Variants in ZNF823 observed in about 807,000 individuals in gnomAD.
ZNF823 encodes zinc finger protein 823, also known as ZFP 36 for a zinc finger protein.
Under a neutral mutation model 11.4 loss-of-function variants are expected in ZNF823, and 5 were observed. The observed-to-expected ratio is 0.44, with a 90% CI of 0.23 to 0.92. ZNF823 has a LOEUF of 0.92. Among genes scored for constraint, ZNF823 ranks in the 40% least tolerant of loss-of-function variants. ZNF823 has a pLI of 0.24. For synonymous variants in ZNF823, 234 were observed against 250.5 expected, an observed-to-expected ratio of 0.93 and a Z score of 0.62; for missense variants, 582 against 738.5, an observed-to-expected ratio of 0.79 and a Z score of 2.46.
chr19:11,721,856 A>G lies in ZNF823; in HGVS notation c.1678T>C (p.Cys560Arg). 6.2e-7 allele frequency: 1 copy of G among 1,613,870 alleles called. No individual in the cohort carries two copies. The highest frequency in any genetic ancestry group is 8.5e-7 in the Non-Finnish European group (1 of 1,179,948). Reference protein sequence around the residue: ...TGEKPYECLQCGKAFTRSRFL... With the variant: ...TGEKPYECLQRGKAFTRSRFL... Reference sequence around the variant, plus strand: ...CGGGAACGAGTGAAGGCTTTACCACATTGTAGACATTCATAGGGTTTCTCT... The same window carrying G: ...CGGGAACGAGTGAAGGCTTTACCACGTTGTAGACATTCATAGGGTTTCTCT... The change falls in exon 4 of 4, where the codon TGT (cysteine) becomes CGT (arginine). Residue 560 changes from cysteine (C) to arginine (R), a missense_variant. This residue lies in a region of ZNF823 where 144 missense variants were observed against 154.3 expected (regional missense o/e 0.93). Coordinates refer to ENST00000341191, the MANE Select transcript of ZNF823 (RefSeq NM_001080493.4).
intron 1 of ZNF823, chr19:11,726,258 T>TA (rs1189650499): frequency 9.0e-6 from 1 of 111,094 alleles, no homozygotes; most frequent in Non-Finnish European, 2.0e-5. Flanking sequence ...AAAAATATAA[T>TA]AAAAGTAAAA....
chr19:11,735,073 G>A (rs1974967450), intron 1 of ZNF823, among the ~76,000 whole-genome samples: 2 of 151,714 alleles, frequency 1.3e-5, no homozygotes, highest in Non-Finnish European at 2.9e-5. Context: ...TCAGGAGTTC[G>A]AGACCAGCCT....
intron 1 of ZNF823, among the ~76,000 whole-genome samples, chr19:11,737,772 CAGTT>C (rs1975020712): frequency 6.6e-6 from 1 of 151,954 alleles, no homozygotes; most frequent in Non-Finnish European, 1.5e-5. Context: ...TGATGAGAGA[CAGTT>C]AGCCTGGGGA....
At chr19:11,738,668 G>C in intron 1 of ZNF823, 149 bp downstream of exon 1, 1 of 1,094,554 alleles carries the variant, frequency 9.1e-7, no homozygotes, top group Non-Finnish European at 1.2e-6. Flanking sequence ...TTGCGGCCCA[G>C]GGGACCAAGG....
rs546285413 is a variant in ZNF823 at position 11,733,277 on chromosome 19, G to T, written c.3+5540C>A. Among the ~76,000 whole-genome samples, 5 of 147,000 alleles carry T rather than the reference G, an allele frequency of 3.4e-5. No homozygotes were observed. In the East Asian group the frequency reaches 1.0e-3, roughly 30 times the overall value. ...AGCTACTCAGGAGACTGAGGCAGGA[G>T]AATAGCTAGAACTCAGGAGTCGGAG... On this transcript the variant is annotated intron_variant, in intron 1 of 3. Transcript: ENST00000341191.
At chr19:11,731,558 A>G (rs1403380435) in intron 1 of ZNF823, among the ~76,000 whole-genome samples, 2 of 152,162 alleles carry the variant, frequency 1.3e-5, no homozygotes, top group Non-Finnish European at 2.9e-5. Context: ...CAGTAGTTCA[A>G]TTCTTATACC....
chr19:11,735,249 T>C (rs962517265), intron 1 of ZNF823, among the ~76,000 whole-genome samples: 1 of 131,664 alleles, frequency 7.6e-6, no homozygotes, highest in African/African-American at 3.1e-5. Context: ...CACTCCAGCC[T>C]GGGCAACAGA....
In ZNF823 at chr19:11,721,586, A is replaced by T. The variant is rs1005329785; in HGVS notation, c.*115T>A. ...TTGGGGGATAACTGTATTTAAAAAA[A>T]TTGAAACTACTTAAGGCTTTATCCC... On this transcript the variant is annotated 3_prime_UTR_variant, in exon 4 of 4. Coordinates refer to ENST00000341191, the MANE Select transcript of ZNF823 (RefSeq NM_001080493.4). The T allele has an allele frequency of 7.3e-6, 8 of 1,091,816 alleles. No homozygotes were observed. In the African/African-American group the frequency reaches 1.1e-4, roughly 15 times the overall value. The allele number at this position is 1,091,816 out of a possible 1,614,324, so 67.6% of individuals were successfully genotyped here.
At chr19:11,729,924 T>A (rs1974861603) in intron 1 of ZNF823, among the ~76,000 whole-genome samples, 1 of 128,998 alleles carries the variant, frequency 7.8e-6, no homozygotes, top group Non-Finnish European at 1.7e-5. Context: ...GAGTAAAGAA[T>A]CTTTTTTTTT....
rs34650100 is a variant in ZNF823, at chr19:11,733,365, C to CAA, written c.3+5450_3+5451dup. ...CTAGCGACAGAGTGAGACTCCATCT[C>CAA]AAAAAAAAAAAAAAAAAGAAAAAGA... On this transcript the variant is annotated intron_variant, in intron 1 of 3. Coordinates refer to ENST00000341191, the MANE Select transcript of ZNF823 (RefSeq NM_001080493.4). 3.8e-3 allele frequency among the ~76,000 whole-genome samples: 358 copies of CAA among 95,302 alleles called. 1 individual carries two copies. Among genetic ancestry groups the CAA allele is most frequent in the African/African-American group, 9.7e-3 (261 of 26,998 alleles). 62.5% of individuals were successfully genotyped at this position (95,302 alleles called of 152,430 possible).
At chr19:11,724,550 CTCA>C (rs1164088846) in intron 2 of ZNF823, among the ~76,000 whole-genome samples, 3 of 148,976 alleles carry the variant, frequency 2.0e-5, no homozygotes, top group African/African-American at 7.4e-5. Context: ...AATATAGTTT[CTCA>C]TCTTTTTTTT....
chr19:11,724,191 T>A lies in ZNF823; in HGVS notation c.191+3A>T. The A allele has an allele frequency of 6.2e-7, 1 of 1,605,792 alleles. No individual in the cohort carries two copies. The highest frequency in any genetic ancestry group is 8.5e-7 in the Non-Finnish European group (1 of 1,176,122). ...ATAGCTTTCTTTTGTGGGTGCAAAT[T>A]ACCTTAGATTTCTCTTGGCATTTTG... On this transcript the variant is annotated splice_donor_region_variant and intron_variant, in intron 3 of 3. Coordinates refer to ENST00000341191, the MANE Select transcript of ZNF823 (RefSeq NM_001080493.4).
Position 11,722,056 on chromosome 19 carries a change from T to G in ZNF823, c.1478A>C (p.His493Pro). The change falls in exon 4 of 4, where the codon CAC becomes CCC. Residue 493 changes from histidine to proline, a missense_variant. Physicochemically the swap from His to Pro is moderately conservative, Grantham distance 77. Transcript: ENST00000341191. This position sits in a 1 kb window ranked among gnomAD's most constrained non-coding sequence, Gnocchi z 5.2. ...FKYLSQHKRT[H>P]TVEKPYECKT... ...ACACTCATAAGGTTTTTCTACTGTG[T>G]GGGTCCTTTTATGTTGAGAAAGGTA... 6.2e-7 allele frequency: 1 copy of G among 1,613,036 alleles called. No individual in the cohort carries two copies. Among genetic ancestry groups the G allele is most frequent in the Non-Finnish European group, 8.5e-7 (1 of 1,179,766 alleles).
chr19:11,737,468 G>T (rs542953072), intron 1 of ZNF823, among the ~76,000 whole-genome samples: 1 of 151,688 alleles, frequency 6.6e-6, no homozygotes, highest in Non-Finnish European at 1.5e-5. Flanking sequence ...CTCCATGTTG[G>T]TCAGGCTGGT....
At chr19:11,734,026 C>G (rs1282860660) in intron 1 of ZNF823, among the ~76,000 whole-genome samples, 1 of 151,618 alleles carries the variant, frequency 6.6e-6, no homozygotes, top group South Asian at 2.1e-4. Flanking sequence ...CTTGAGCCCA[C>G]GAGTTCAAGA....
chr19:11,737,839 G>C (rs777177535), intron 1 of ZNF823, among the ~76,000 whole-genome samples: 8 of 152,144 alleles, frequency 5.3e-5, no homozygotes, highest in Admixed American at 1.3e-4. Flanking sequence ...GTTAGGATGA[G>C]GGGATAGGGT....
At chr19:11,738,123 G>A (rs758432500) in intron 1 of ZNF823, among the ~76,000 whole-genome samples, 41 of 152,150 alleles carry the variant, frequency 2.7e-4, no homozygotes, top group Non-Finnish European at 4.6e-4. Context: ...TCACGGGGCC[G>A]CCTCCCTGAG....
At chr19:11,726,589 C>G (rs917436767) in intron 1 of ZNF823, among the ~76,000 whole-genome samples, 1 of 151,944 alleles carries the variant, frequency 6.6e-6, no homozygotes, top group Non-Finnish European at 1.5e-5. Context: ...GAGGAAGAGA[C>G]CTGAATTAAC....
intron 1 of ZNF823, among the ~76,000 whole-genome samples, chr19:11,729,188 A>G (rs1248814089): frequency 1.3e-5 from 2 of 149,170 alleles, no homozygotes; most frequent in Non-Finnish European, 3.0e-5. Flanking sequence ...AAAAAAAAAA[A>G]CAACAAATAA....
Sources: gnomAD v4.1 joint callset for allele counts (sites outside exome capture counted in the v4.1 genomes callset) on GRCh38, gnomAD v4.1.1 for gene constraint, gnomAD v4.1.1 regional missense constraint, Gnocchi (gnomAD v3.1) non-coding constraint, MANE v1.5 for transcripts, NCBI Gene and HGNC (gene_info 2026-07-23, HGNC 2026-07-21) for gene names.